The following PITPNM3 variants were observed in gnomAD, a reference collection of about 807,000 sequenced individuals.
PITPNM3 encodes the protein membrane-associated phosphatidylinositol transfer protein 3.
Under a neutral mutation model 102.0 loss-of-function variants are expected in PITPNM3, and 26 were observed. The observed-to-expected ratio is 0.25, with a 90% CI of 0.19 to 0.35. The LOEUF is 0.35. PITPNM3 is among the 10% of genes least tolerant of loss of function. The pLI is 1.00. For synonymous variants in PITPNM3, 578 were observed against 558.6 expected (o/e 1.03, Z -0.49); for missense variants, 1,083 against 1,346.1 (o/e 0.80, Z 3.06).
rs1309908379 is a variant in PITPNM3, at chr17:6,460,938, G to C, written c.2490+435C>G. 3 of 280,788 alleles carry C rather than the reference G, an allele frequency of 1.1e-5. 1 individual carries two copies. Among genetic ancestry groups the C allele is most frequent in the Non-Finnish European group, 2.1e-5 (3 of 144,376 alleles). The allele number at this position is 280,788 out of a possible 1,614,324, so 17.4% of individuals were successfully genotyped here. A position where few individuals can be genotyped will look rare whatever the true frequency, so the allele number is the denominator to read the frequency against. ...TCCGAGTTTCCTGGTGCTGCTAGTG[G>C]GAACCATAGCTTCGGTCATGGAAAG... On this transcript the variant is annotated intron_variant, in intron 18 of 19. Transcript: ENST00000262483.
intron 1 of PITPNM3, 38 bp from the exon 2 acceptor site, chr17:6,538,120 T>C (rs536655059): frequency 2.9e-5 from 44 of 1,508,712 alleles, no homozygotes. Flanking sequence ...AAGCCTGAGA[T>C]GTTGTCCCAG....
chr17:6,483,482 C>T (rs750798646), intron 6 of PITPNM3, 35 bp downstream of exon 6: 2 of 1,587,262 alleles, frequency 1.3e-6, no homozygotes, highest in East Asian at 2.3e-5. Flanking sequence ...CCCCCACCAA[C>T]CCCAACCAGT....
intron 1 of PITPNM3, among the ~76,000 whole-genome samples, chr17:6,551,283 G>T (rs148230404): frequency 0.032 from 4,907 of 152,154 alleles, 113 homozygotes; most frequent in Middle Eastern, 0.058. Context: ...CGTGAACCCG[G>T]GAGGTGGAGC....
At chr17:6,522,278 T>C (rs2150638623) in intron 3 of PITPNM3, among the ~76,000 whole-genome samples, 1 of 97,754 alleles carries the variant, frequency 1.0e-5, no homozygotes, top group Admixed American at 1.2e-4. Flanking sequence ...GAGGTATATT[T>C]AGTGTGCGCA....
intron 1 of PITPNM3, among the ~76,000 whole-genome samples, chr17:6,553,636 T>C (rs1295971107): frequency 6.6e-6 from 1 of 152,154 alleles, no homozygotes; most frequent in East Asian, 1.9e-4. Flanking sequence ...ACTGGCCAGA[T>C]TTTAAAGGGA....
chr17:6,497,960 G>A (rs1357462090), intron 4 of PITPNM3, among the ~76,000 whole-genome samples: 3 of 152,208 alleles, frequency 2.0e-5, no homozygotes, highest in Non-Finnish European at 2.9e-5. Flanking sequence ...GGCATGGAGC[G>A]GGTGAGGCAG....
Position 6,474,544 on chromosome 17 carries a change from G to A in PITPNM3, c.1146C>T (p.Leu382=). ...SETPAAGGPQ[L]PEVSLGRFDF... ...CAAAGCGGCCCAGGCTGACCTCAGG[G>A]AGCTGCGGCCCCCCAGCCGCCGGGG... The change falls in exon 10 of 20, where the codon CTC becomes CTT. Residue 382 remains leucine, a synonymous_variant. Coordinates refer to ENST00000262483, the MANE Select transcript of PITPNM3 (RefSeq NM_031220.4). 6.2e-7 allele frequency: 1 copy of A among 1,606,984 alleles called. No homozygotes were observed.
chr17:6,456,238 T>C (rs1296543902), intron 19 of PITPNM3, among the ~76,000 whole-genome samples: 6 of 152,148 alleles, frequency 3.9e-5, no homozygotes, highest in African/African-American at 7.2e-5. Context: ...TTGCCAGGGC[T>C]GGCCTTGAAC....
intron 1 of PITPNM3, among the ~76,000 whole-genome samples, chr17:6,542,840 C>T (rs1384431288): frequency 6.6e-6 from 1 of 152,196 alleles, no homozygotes; most frequent in Non-Finnish European, 1.5e-5. Flanking sequence ...AGCCCACCTC[C>T]TCCTGAAGAC....
intron 1 of PITPNM3, among the ~76,000 whole-genome samples, chr17:6,555,049 G>A (rs1910528108): frequency 6.6e-6 from 1 of 152,192 alleles, no homozygotes; most frequent in Non-Finnish European, 1.5e-5. Flanking sequence ...AAGGAGTCGG[G>A]GTGGGTGAGG....
At chr17:6,499,088 C>T (rs1907014383) in intron 4 of PITPNM3, among the ~76,000 whole-genome samples, 1 of 152,112 alleles carries the variant, frequency 6.6e-6, no homozygotes, top group African/African-American at 2.4e-5. Flanking sequence ...ACCCAGGTCT[C>T]CTCCCCCAAG....
chr17:6,498,175 C>T (rs763876068), intron 4 of PITPNM3, among the ~76,000 whole-genome samples: 1 of 152,224 alleles, frequency 6.6e-6, no homozygotes, highest in Non-Finnish European at 1.5e-5. Flanking sequence ...TGAATGGAGC[C>T]ACAAGGGCAG....
intron 4 of PITPNM3, among the ~76,000 whole-genome samples, chr17:6,488,602 C>T (rs1487747867): frequency 2.0e-5 from 3 of 152,188 alleles, no homozygotes; most frequent in Non-Finnish European, 2.9e-5. Context: ...AAATCAGGTT[C>T]AGGGAAGCAT....
At chr17:6,464,439 G>T in intron 15 of PITPNM3, 121 bp from the exon 16 acceptor site, 1 of 1,193,752 alleles carries the variant, frequency 8.4e-7, no homozygotes, top group Non-Finnish European at 1.2e-6. Context: ...GCTCCTGCCA[G>T]CCTGGCTCCT....
intron 3 of PITPNM3, among the ~76,000 whole-genome samples, chr17:6,508,159 C>T (rs1047695664): frequency 2.6e-5 from 4 of 152,096 alleles, no homozygotes; most frequent in African/African-American, 7.2e-5. Flanking sequence ...GTCCTGGAAA[C>T]GCCAGTGCGC....
chr17:6,480,343 G>T (rs934684007), intron 6 of PITPNM3: 1 of 152,276 alleles, frequency 6.6e-6, no homozygotes, highest in Non-Finnish European at 1.5e-5. Context: ...GAAAAGGAAG[G>T]CCCAGGGAAG....
intron 1 of PITPNM3, among the ~76,000 whole-genome samples, chr17:6,554,647 G>A (rs2150687769): frequency 6.6e-6 from 1 of 152,302 alleles, no homozygotes; most frequent in East Asian, 1.9e-4. Context: ...ACAGGCTAAG[G>A]CAGAGGGACT....
chr17:6,461,322 G>C, intron 18 of PITPNM3, 51 bp downstream of exon 18: 1 of 1,577,632 alleles, frequency 6.3e-7, no homozygotes, highest in Non-Finnish European at 8.7e-7. Flanking sequence ...CGGTGGAGAG[G>C]AGGGCTGCGC....
chr17:6,513,673 C>T (rs748555250), intron 3 of PITPNM3, among the ~76,000 whole-genome samples: 57 of 152,328 alleles, frequency 3.7e-4, no homozygotes, highest in African/African-American at 1.1e-3. Flanking sequence ...AGACATCTCA[C>T]GTTCATGGAT....
Sources: gnomAD v4.1 joint callset for allele counts (sites outside exome capture counted in the v4.1 genomes callset) on GRCh38, gnomAD v4.1.1 for gene constraint, MANE v1.5 for transcripts, NCBI Gene and HGNC (gene_info 2026-07-23, HGNC 2026-07-21) for gene names.